The following PPM1H variants were observed in gnomAD, a reference collection of about 807,000 sequenced individuals.
The protein encoded by PPM1H is protein phosphatase 1H.
Under a neutral mutation model 54.9 loss-of-function variants are expected in PPM1H, and 27 were observed. The ratio of observed to expected loss-of-function variants is 0.49; its 90% CI spans 0.36 to 0.68. The LOEUF (loss-of-function observed/expected upper bound fraction) is 0.68. Ranked by LOEUF, PPM1H falls within the 30% of genes least tolerant of loss-of-function variation. The pLI is 0.00. For missense variants in PPM1H, 596 were observed against 667.8 expected (o/e 0.89, Z 1.19); for synonymous variants, 305 against 270.8 (o/e 1.13, Z -1.24).
In PPM1H at chr12:62,648,574, C is replaced by T; in HGVS notation, c.1460G>A (p.Trp487Ter). ...GCCCAGTCGGTCATTAGATATCCGC[C>T]ATCCTCTGTCCTTCAGCACACCCCG... ...RARGVLKDRGWRISNDRLGSG... is the reference protein window; with the variant it reads ...RARGVLKDRG The change falls in exon 10 of 10, where the codon TGG becomes TAG. Residue 487 changes from tryptophan (W) to a stop codon, truncating the protein, a stop_gained. Transcript: ENST00000228705. LOFTEE classifies it high-confidence loss of function. 6.2e-7 allele frequency: 1 copy of T among 1,613,966 alleles called. No homozygotes were observed. The highest frequency in any genetic ancestry group is 8.5e-7 in the Non-Finnish European group (1 of 1,179,894).
At chr12:62,905,007 T>C (rs1186069069) in intron 1 of PPM1H, among the ~76,000 whole-genome samples, 3 of 152,132 alleles carry the variant, frequency 2.0e-5, no homozygotes, top group African/African-American at 7.2e-5. Context: ...TCAGAGCCAG[T>C]CCCTCTAGGT....
At chr12:62,772,451 A>T (rs913449698) in intron 4 of PPM1H, among the ~76,000 whole-genome samples, 1 of 152,198 alleles carries the variant, frequency 6.6e-6, no homozygotes, top group Non-Finnish European at 1.5e-5. Context: ...CTCTTTAAAA[A>T]TTTTATTTTA....
chr12:62,843,783 A>G (rs1380199843), intron 1 of PPM1H, among the ~76,000 whole-genome samples: 1 of 152,190 alleles, frequency 6.6e-6, no homozygotes, highest in Admixed American at 6.5e-5. Flanking sequence ...GCTTTGAAAA[A>G]TCTTTACCCT....
chr12:62,835,888 G>A (rs1037291563), intron 1 of PPM1H, among the ~76,000 whole-genome samples: 3 of 152,130 alleles, frequency 2.0e-5, no homozygotes, highest in African/African-American at 7.2e-5. Context: ...CACTTCAAAG[G>A]TAAATGCTTT....
At chr12:62,677,066 A>G (rs1206720781) in intron 8 of PPM1H, among the ~76,000 whole-genome samples, 1 of 152,126 alleles carries the variant, frequency 6.6e-6, no homozygotes, top group African/African-American at 2.4e-5. Flanking sequence ...TCACAGAGAC[A>G]ATGGGACAAC....
chr12:62,750,665 T>C (rs2076438316), intron 4 of PPM1H, among the ~76,000 whole-genome samples: 1 of 152,216 alleles, frequency 6.6e-6, no homozygotes, highest in Non-Finnish European at 1.5e-5. Flanking sequence ...ATGGTAACCT[T>C]AACTTTCTGA....
At chr12:62,650,789 T>C (rs1263053818) in intron 9 of PPM1H, among the ~76,000 whole-genome samples, 3 of 152,090 alleles carry the variant, frequency 2.0e-5, no homozygotes, top group African/African-American at 7.2e-5. Context: ...ACTCACTCAC[T>C]ATCGTAAGAA....
intron 1 of PPM1H, among the ~76,000 whole-genome samples, chr12:62,851,395 A>G (rs1398094426): frequency 6.6e-6 from 1 of 152,212 alleles, no homozygotes; most frequent in Non-Finnish European, 1.5e-5. Context: ...TGCTAGTTAA[A>G]AGGAAAAATA....
chr12:62,909,283 T>C (rs1247996170), intron 1 of PPM1H, among the ~76,000 whole-genome samples: 1 of 152,222 alleles, frequency 6.6e-6, no homozygotes, highest in Admixed American at 6.5e-5. Context: ...TTGCCCCTGC[T>C]AGCTACAATT....
chr12:62,782,701 G>T (rs1455245368), intron 4 of PPM1H, among the ~76,000 whole-genome samples: 1 of 152,162 alleles, frequency 6.6e-6, no homozygotes, highest in African/African-American at 2.4e-5. Flanking sequence ...TGAGACACTT[G>T]CTTCCAAAGA....
rs577429183 is a variant in PPM1H, at chr12:62,653,976, T to G, written c.1398-5340A>C. Among the ~76,000 whole-genome samples the G allele has an allele frequency of 5.7e-4, 87 of 152,120 alleles. 2 individuals are homozygous for G. The highest frequency in any genetic ancestry group is 2.1e-3 in the African/African-American group (86 of 41,510). ...AAAACACCTGGCCAGGTGCAGTGGC[T>G]TACGCTTGTAATCCTAGCACTCTGG... On this transcript the variant is annotated intron_variant, in intron 9 of 9. Coordinates refer to ENST00000228705, the MANE Select transcript of PPM1H (RefSeq NM_020700.2).
intron 4 of PPM1H, among the ~76,000 whole-genome samples, chr12:62,751,309 A>G (rs2076441092): frequency 6.6e-6 from 1 of 152,214 alleles, no homozygotes; most frequent in Non-Finnish European, 1.5e-5. Flanking sequence ...GCAGGGTCCC[A>G]AGAAGAGGAG....
chr12:62,841,245 C>T lies in PPM1H; in HGVS notation c.246-8966G>A, dbSNP rs1868735883. ...CAAAGTCAGTAGCTGCCAAGTTCAA[C>T]TTAAACAGTGGCTGGCAAACTATTG... On this transcript the variant is annotated intron_variant, in intron 1 of 9. Transcript: ENST00000228705. Among the ~76,000 whole-genome samples, 3 of 152,264 alleles carry T rather than the reference C, an allele frequency of 2.0e-5. No homozygotes were observed. In the South Asian group the frequency reaches 6.2e-4, roughly 32 times the overall value.
At chr12:62,697,146 A>G (rs1197712502) in intron 6 of PPM1H, among the ~76,000 whole-genome samples, 1 of 107,722 alleles carries the variant, frequency 9.3e-6, no homozygotes, top group Non-Finnish European at 1.7e-5. Context: ...TTTTTTTTTG[A>G]GACAGAGTCT....
At chr12:62,798,130 A>G (rs923557473) in intron 3 of PPM1H, among the ~76,000 whole-genome samples, 8 of 152,238 alleles carry the variant, frequency 5.3e-5, no homozygotes, top group African/African-American at 1.9e-4. Flanking sequence ...AAGAAAAAAA[A>G]CACAGATCAC....
chr12:62,707,899 T>C (rs943723862), intron 6 of PPM1H, among the ~76,000 whole-genome samples: 3 of 152,238 alleles, frequency 2.0e-5, no homozygotes, highest in South Asian at 2.1e-4. Context: ...GAGTGATACA[T>C]AGCATCTGAT....
intron 1 of PPM1H, among the ~76,000 whole-genome samples, chr12:62,893,736 C>T (rs548615116): frequency 3.3e-5 from 5 of 152,224 alleles, no homozygotes; most frequent in Non-Finnish European, 7.4e-5. Flanking sequence ...ATCCACCTGC[C>T]TCAGCCTCCC....
At chr12:62,685,384 G>T (rs17098170) in intron 8 of PPM1H, among the ~76,000 whole-genome samples, 1 of 152,102 alleles carries the variant, frequency 6.6e-6, no homozygotes. Context: ...TACTTGGTAC[G>T]TCCCTAAACA....
At position 62,904,241 on chromosome 12, in the gene PPM1H, A is replaced by T. The variant is rs1190320397; in HGVS notation, c.245+30251T>A. Among the ~76,000 whole-genome samples, 11 of 148,966 alleles carry T rather than the reference A, an allele frequency of 7.4e-5. No individual in the cohort carries two copies. In the South Asian group the frequency reaches 1.5e-3, roughly 20 times the overall value. On this transcript the variant is annotated intron_variant, in intron 1 of 9. Transcript: ENST00000228705. ...GGGGTACAAAATTAGTTCTTCATAA[A>T]TTTTTTTTTTTCTTTGAGAAAGAGT... is the stretch of plus-strand genomic sequence containing the variant.
Sources: allele counts gnomAD v4.1 joint callset (sites outside exome capture counted in the v4.1 genomes callset), GRCh38; gene constraint gnomAD v4.1.1; transcripts MANE v1.5; gene names NCBI Gene and HGNC (gene_info 2026-07-23, HGNC 2026-07-21).